The following KIF16B variants were observed in gnomAD, a reference collection of about 807,000 sequenced individuals.
The protein encoded by KIF16B is kinesin-like protein KIF16B.
A neutral mutation model predicts 156.3 loss-of-function variants in KIF16B; 98 were observed. That is an observed-to-expected ratio of 0.63 (90% CI 0.53 to 0.74). The LOEUF (loss-of-function observed/expected upper bound fraction) is 0.74, where lower values mean the gene tolerates loss of function less well. Among genes scored for constraint, KIF16B ranks in the 30% least tolerant of loss-of-function variants. KIF16B has a pLI of 0.00. For missense variants in KIF16B, 1,421 were observed against 1,606.5 expected, an observed-to-expected ratio of 0.88 and a Z score of 1.97; for synonymous variants, 564 against 583.7, an observed-to-expected ratio of 0.97 and a Z score of 0.49.
At position 16,370,460 on chromosome 20, in the gene KIF16B, C is replaced by T. The variant is rs192792032; in HGVS notation, c.3498+126G>A. 5 of 658,534 alleles carry T rather than the reference C, an allele frequency of 7.6e-6. No homozygotes were observed. In the African/African-American group the frequency reaches 7.7e-5, roughly 10 times the overall value. The allele number at this position is 658,534 out of a possible 1,614,324, so 40.8% of individuals were successfully genotyped here. ...AAGTCCATATAATAGCTTGCCTTCC[C>T]TATTAGCCATTAATCTTGCCGGGAC... is the stretch of plus-strand genomic sequence containing the variant. On this transcript the variant is annotated intron_variant, in intron 22 of 25. Coordinates refer to ENST00000354981, the MANE Select transcript of KIF16B (RefSeq NM_024704.5).
chr20:16,507,389 A>G (rs1311049901), intron 7 of KIF16B, among the ~76,000 whole-genome samples: 4 of 152,156 alleles, frequency 2.6e-5, no homozygotes, highest in African/African-American at 9.7e-5. Flanking sequence ...ACAGGACCCT[A>G]CATTTTTGCA....
intron 10 of KIF16B, among the ~76,000 whole-genome samples, chr20:16,499,410 T>C (rs2068551776): frequency 1.3e-5 from 2 of 152,228 alleles, no homozygotes; most frequent in Non-Finnish European, 1.5e-5. Context: ...CCCACTTTTA[T>C]CTGGTTTGCA....
At chr20:16,416,587 G>A (rs1446880331) in intron 15 of KIF16B, among the ~76,000 whole-genome samples, 1 of 152,024 alleles carries the variant, frequency 6.6e-6, no homozygotes, top group African/African-American at 2.4e-5. Context: ...GGAGGGTGGG[G>A]TGCGGAGACC....
At chr20:16,555,378 G>A (rs765484764) in intron 1 of KIF16B, among the ~76,000 whole-genome samples, 6 of 152,184 alleles carry the variant, frequency 3.9e-5, no homozygotes, top group Non-Finnish European at 8.8e-5. Context: ...ATGGCAAGAT[G>A]TAACCTGAGA....
At chr20:16,323,551 T>G (rs1366343622) in intron 24 of KIF16B, among the ~76,000 whole-genome samples, 2 of 152,128 alleles carry the variant, frequency 1.3e-5, no homozygotes, top group East Asian at 3.9e-4. Flanking sequence ...TTTGATTTGT[T>G]AAAGGCATAA....
At position 16,508,183 on chromosome 20, in the gene KIF16B, C is replaced by T. The variant is rs2068846228; in HGVS notation, c.557-83G>A. 10 of 1,479,484 alleles carry T rather than the reference C, an allele frequency of 6.8e-6. No homozygotes were observed. In the South Asian group the frequency reaches 1.1e-4, roughly 16 times the overall value. 91.6% of individuals were successfully genotyped at this position (1,479,484 alleles called of 1,614,324 possible). On this transcript the variant is annotated intron_variant, in intron 6 of 25. Transcript: ENST00000354981. ...CAAAATTACCCTCTATGAAATAATA[C>T]ACAACTCCAAAATCTGCTGACCTGT...
In KIF16B at chr20:16,439,495, C is replaced by T. The variant is rs7273406; in HGVS notation, c.1303-9513G>A. On this transcript the variant is annotated intron_variant, in intron 12 of 25. Transcript: ENST00000354981. ...GACAATCACAGCGGCCTCCTCATTC[C>T]CACTGCAGGGCTTCTCCGTGTGCTG... 4.5e-3 allele frequency among the ~76,000 whole-genome samples: 681 copies of T among 152,246 alleles called. 3 individuals carry two copies. Among genetic ancestry groups the T allele is most frequent in the Middle Eastern group, 0.024 (7 of 294 alleles).
At chr20:16,304,183 A>C (rs1282464202) in intron 25 of KIF16B, among the ~76,000 whole-genome samples, 1 of 152,204 alleles carries the variant, frequency 6.6e-6, no homozygotes, top group African/African-American at 2.4e-5. Context: ...AGTTGTTATT[A>C]TTCTTGAGAA....
At chr20:16,534,080 A>T (rs2069859547) in intron 1 of KIF16B, among the ~76,000 whole-genome samples, 1 of 152,166 alleles carries the variant, frequency 6.6e-6, no homozygotes, top group Non-Finnish European at 1.5e-5. Context: ...CAACATGGCG[A>T]AACCCCATCT....
At chr20:16,491,303 AC>A (rs1600530877) in intron 12 of KIF16B, among the ~76,000 whole-genome samples, 1 of 152,194 alleles carries the variant, frequency 6.6e-6, no homozygotes, top group African/African-American at 2.4e-5. Context: ...CTGTGCTAGG[AC>A]AGATGATACC....
chr20:16,518,287 G>A (rs1209838305), intron 3 of KIF16B, among the ~76,000 whole-genome samples: 3 of 152,178 alleles, frequency 2.0e-5, no homozygotes, highest in African/African-American at 4.8e-5. Context: ...AGGATGCACC[G>A]AGCATCGCCC....
intron 12 of KIF16B, among the ~76,000 whole-genome samples, chr20:16,454,996 T>G (rs1292860938): frequency 2.6e-5 from 4 of 152,126 alleles, no homozygotes; most frequent in Non-Finnish European, 2.9e-5. Context: ...ATTTACAAGT[T>G]TGTATAGGGA....
At chr20:16,494,538 T>C (rs2068391987) in intron 11 of KIF16B, among the ~76,000 whole-genome samples, 188 bp from the exon 12 acceptor site, 1 of 152,176 alleles carries the variant, frequency 6.6e-6, no homozygotes. Context: ...ACAACCTACA[T>C]TAGGGCAAAG....
At chr20:16,477,202 T>TTC (rs67735700) in intron 12 of KIF16B, among the ~76,000 whole-genome samples, 39,795 of 138,996 alleles carry the variant, frequency 0.29, 6,558 homozygotes, top group African/African-American at 0.46. Context: ...TTTTTTTTTC[T>TTC]CTCCTTAAAA....
intron 5 of KIF16B, among the ~76,000 whole-genome samples, chr20:16,512,314 A>G (rs559758740): frequency 7.9e-5 from 12 of 152,332 alleles, no homozygotes; most frequent in African/African-American, 2.9e-4. Flanking sequence ...TAACTTGTCC[A>G]AGACCACAAA....
At chr20:16,327,646 T>C (rs190521424) in intron 24 of KIF16B, among the ~76,000 whole-genome samples, 1 of 152,170 alleles carries the variant, frequency 6.6e-6, no homozygotes, top group Admixed American at 6.5e-5. Context: ...CCCAGGTAAT[T>C]TGGATGCTCA....
At chr20:16,416,849 C>G (rs1874273986) in intron 15 of KIF16B, among the ~76,000 whole-genome samples, 2 of 151,966 alleles carry the variant, frequency 1.3e-5, no homozygotes, top group Non-Finnish European at 1.5e-5. Flanking sequence ...AGGAAGAAAG[C>G]CAAAAGTGGA....
chr20:16,363,587 T>G lies in KIF16B; in HGVS notation c.3498+6999A>C, dbSNP rs772932761. Among the ~76,000 whole-genome samples, 25 of 152,214 alleles carry G rather than the reference T, an allele frequency of 1.6e-4. 1 individual carries two copies. Among genetic ancestry groups the G allele is most frequent in the Non-Finnish European group, 3.2e-4 (22 of 68,030 alleles). On this transcript the variant is annotated intron_variant, in intron 22 of 25. Coordinates refer to ENST00000354981, the MANE Select transcript of KIF16B (RefSeq NM_024704.5). Reference sequence around the variant, plus strand: ...CTTCCTTGCCCCTTGATTTGGGGCTTGGTCATGTGACTTGTGTTGGCCAAT... The same window carrying G: ...CTTCCTTGCCCCTTGATTTGGGGCTGGGTCATGTGACTTGTGTTGGCCAAT...
At chr20:16,493,692 C>CA (rs929751969) in intron 12 of KIF16B, among the ~76,000 whole-genome samples, 2 of 152,064 alleles carry the variant, frequency 1.3e-5, no homozygotes, top group African/African-American at 4.8e-5. Flanking sequence ...GCCAACTCAG[C>CA]AAAAAATGAG....
Sources: gnomAD v4.1 joint callset for allele counts (sites outside exome capture counted in the v4.1 genomes callset) on GRCh38, gnomAD v4.1.1 for gene constraint, MANE v1.5 for transcripts, NCBI Gene and HGNC (gene_info 2026-07-23, HGNC 2026-07-21) for gene names.